SGCD: variants seen among roughly 807,000 people sequenced by gnomAD.
SGCD encodes the protein sarcoglycan delta.
Under a neutral mutation model 36.6 loss-of-function variants are expected in SGCD, and 18 were observed. The ratio of observed to expected loss-of-function variants is 0.49; its 90% confidence interval spans 0.34 to 0.73. The LOEUF (loss-of-function observed/expected upper bound fraction) is 0.73. SGCD is among the 30% of genes least tolerant of loss of function. The pLI, the probability that SGCD is intolerant of heterozygous loss-of-function variation, is 0.01. For synonymous variants in SGCD, 133 were observed against 130.6 expected (o/e 1.02, Z -0.12); for missense variants, 387 against 346.7 (o/e 1.12, Z -0.92).
At chr5:156,139,702 C>T (rs145661383) in intron 3 of SGCD, among the ~76,000 whole-genome samples, 1 of 152,134 alleles carries the variant, frequency 6.6e-6, no homozygotes, top group Non-Finnish European at 1.5e-5. Flanking sequence ...CTTTCACTCC[C>T]CCGTTTTAAA....
chr5:156,219,050 T>C (rs1764652915), intron 3 of SGCD, among the ~76,000 whole-genome samples: 1 of 152,174 alleles, frequency 6.6e-6, no homozygotes, highest in Non-Finnish European at 1.5e-5. Flanking sequence ...AGGAAGAAAT[T>C]AATTTAATCA....
At chr5:156,464,411 AG>A (rs2127820948) in intron 3 of SGCD, among the ~76,000 whole-genome samples, 1 of 152,032 alleles carries the variant, frequency 6.6e-6, no homozygotes, top group Non-Finnish European at 1.5e-5. Flanking sequence ...TAATAGAGAC[AG>A]GGTTTCACCA....
At chr5:155,939,979 AC>A (rs1757290685) in intron 1 of SGCD, among the ~76,000 whole-genome samples, 1 of 151,668 alleles carries the variant, frequency 6.6e-6, no homozygotes, top group Admixed American at 6.6e-5. Flanking sequence ...GATTACAGGC[AC>A]CCATCATCAT....
At chr5:156,152,672 T>C (rs1344925533) in intron 3 of SGCD, among the ~76,000 whole-genome samples, 1 of 151,834 alleles carries the variant, frequency 6.6e-6, no homozygotes, top group African/African-American at 2.4e-5. Flanking sequence ...ATACATTGGG[T>C]TAAAGTATAT....
the SGCD span, among the ~76,000 whole-genome samples, chr5:155,864,802 A>T: frequency 5.3e-3 from 809 of 152,330 alleles, 2 homozygotes; most frequent in Middle Eastern, 0.044. Context: ...AGCTGATCAG[A>T]TATTTTCGGT....
At chr5:155,935,132 G>A (rs998497603) in intron 1 of SGCD, among the ~76,000 whole-genome samples, 18 of 152,180 alleles carry the variant, frequency 1.2e-4, no homozygotes, top group Non-Finnish European at 2.1e-4. Flanking sequence ...TGAGTCAACT[G>A]ATACCCTTTG....
intron 3 of SGCD, among the ~76,000 whole-genome samples, chr5:156,383,149 T>C (rs1447694974): frequency 6.6e-6 from 1 of 152,204 alleles, no homozygotes; most frequent in Non-Finnish European, 1.5e-5. Flanking sequence ...GGCCATGTGC[T>C]GTGTGGTACA....
intron 3 of SGCD, among the ~76,000 whole-genome samples, chr5:156,274,044 T>TACTG (rs905176589): frequency 6.6e-6 from 1 of 152,088 alleles, no homozygotes; most frequent in Non-Finnish European, 1.5e-5. Context: ...CAGGGGGCTG[T>TACTG]ACTGACCTCT....
chr5:155,852,078 G>C, the SGCD span, among the ~76,000 whole-genome samples: 2 of 152,180 alleles, frequency 1.3e-5, no homozygotes, highest in African/African-American at 4.8e-5. Context: ...ATAATGACAG[G>C]ACTTGCTGTG....
intron 3 of SGCD, among the ~76,000 whole-genome samples, chr5:156,147,099 C>G (rs1762724279): frequency 6.6e-6 from 1 of 152,086 alleles, no homozygotes; most frequent in Non-Finnish European, 1.5e-5. Flanking sequence ...TTTAAAGGAA[C>G]AACGTAATGT....
intron 3 of SGCD, among the ~76,000 whole-genome samples, chr5:156,197,239 C>T (rs767225585): frequency 1.2e-4 from 18 of 152,272 alleles, no homozygotes; most frequent in South Asian, 4.1e-4. Flanking sequence ...TTGATGTACA[C>T]TGCTATATTG....
chr5:156,089,847 C>T (rs1008636686), intron 1 of SGCD, among the ~76,000 whole-genome samples: 51 of 152,260 alleles, frequency 3.3e-4, no homozygotes, highest in African/African-American at 1.2e-3. Context: ...AGTGTGTTCC[C>T]TTATGTAGAT....
At chr5:155,938,054 A>G (rs968382412) in intron 1 of SGCD, among the ~76,000 whole-genome samples, 2 of 152,200 alleles carry the variant, frequency 1.3e-5, no homozygotes, top group African/African-American at 4.8e-5. Flanking sequence ...CTGGTCACAT[A>G]CAGACATGAA....
At chr5:155,849,452 A>G in the SGCD span, among the ~76,000 whole-genome samples, 4 of 151,942 alleles carry the variant, frequency 2.6e-5, no homozygotes, top group Non-Finnish European at 5.9e-5. Flanking sequence ...GCGCGCACAC[A>G]CACACACACA....
chr5:156,304,689 G>T (rs1163150902), intron 3 of SGCD, among the ~76,000 whole-genome samples: 3 of 152,192 alleles, frequency 2.0e-5, no homozygotes, highest in African/African-American at 7.2e-5. Context: ...GGTTGGAACA[G>T]TTTGGAAGGC....
At chr5:155,843,402 G>GCT in the SGCD span, among the ~76,000 whole-genome samples, 2 of 149,398 alleles carry the variant, frequency 1.3e-5, no homozygotes, top group African/African-American at 2.5e-5. Context: ...TCTCACTTAT[G>GCT]CTCACACACA....
chr5:156,455,935 G>T (rs1030231800), intron 3 of SGCD, among the ~76,000 whole-genome samples: 1 of 152,128 alleles, frequency 6.6e-6, no homozygotes, highest in Non-Finnish European at 1.5e-5. Flanking sequence ...GCTATAGGCC[G>T]GGAATGCCAA....
chr5:155,929,918 T>C (rs1757069465), intron 1 of SGCD, among the ~76,000 whole-genome samples: 1 of 152,148 alleles, frequency 6.6e-6, no homozygotes, highest in Non-Finnish European at 1.5e-5. Flanking sequence ...AAATTCATTC[T>C]CTCCCTTCTC....
At chr5:156,318,593 C>CT (rs199528833) in intron 3 of SGCD, among the ~76,000 whole-genome samples, 3,611 of 138,922 alleles carry the variant, frequency 0.026, 62 homozygotes, top group South Asian at 0.037. Flanking sequence ...TGAATGACCT[C>CT]TTTTTTTTTT....
Sources: gnomAD v4.1 joint callset for allele counts (sites outside exome capture counted in the v4.1 genomes callset) on GRCh38, gnomAD v4.1.1 for gene constraint, MANE v1.5 for transcripts, NCBI Gene and HGNC (gene_info 2026-07-23, HGNC 2026-07-21) for gene names.